STRIP2: variants seen among roughly 807,000 people sequenced by gnomAD.
The protein encoded by STRIP2 is striatin-interacting protein 2.
Under a neutral mutation model 107.1 loss-of-function variants are expected in STRIP2, and 84 were observed. The ratio of observed to expected loss-of-function variants is 0.78; its 90% CI spans 0.66 to 0.94. The LOEUF (loss-of-function observed/expected upper bound fraction) is 0.94. Among genes scored for constraint, STRIP2 ranks in the 40% least tolerant of loss-of-function variants. The pLI is 0.00. For synonymous variants in STRIP2, 394 were observed against 400.4 expected (o/e 0.98, Z 0.19); for missense variants, 888 against 1,034.2 (o/e 0.86, Z 1.94).
At chr7:129,443,937 C>T in intron 2 of STRIP2, 87 bp from the exon 3 acceptor site, 1 of 968,112 alleles carries the variant, frequency 1.0e-6, no homozygotes, top group Non-Finnish European at 1.7e-6. Flanking sequence ...GTGTTGGAAG[C>T]TTCAGCTCTT....
At chr7:129,464,170 G>A (rs1306626966) in intron 15 of STRIP2, 29 bp downstream of exon 15, 1 of 1,516,784 alleles carries the variant, frequency 6.6e-7, no homozygotes, top group African/African-American at 1.4e-5. Flanking sequence ...GCAGCTGCTG[G>A]ATACTAGCTG....
At chr7:129,474,133 G>C (rs1798859155) in intron 18 of STRIP2, among the ~76,000 whole-genome samples, 1 of 151,938 alleles carries the variant, frequency 6.6e-6, no homozygotes, top group Non-Finnish European at 1.5e-5. Context: ...AAACATCCTT[G>C]CATGCAAATC....
intron 1 of STRIP2, among the ~76,000 whole-genome samples, chr7:129,438,115 G>A (rs897920750): frequency 6.6e-6 from 1 of 152,090 alleles, no homozygotes; most frequent in African/African-American, 2.4e-5. Context: ...AATTTGCTTT[G>A]TTGACAGTAT....
intron 18 of STRIP2, among the ~76,000 whole-genome samples, chr7:129,473,798 A>C (rs1443936650): frequency 6.6e-6 from 1 of 151,760 alleles, no homozygotes; most frequent in African/African-American, 2.4e-5. Flanking sequence ...GCTCACTGCA[A>C]CCTCTGCCTC....
intron 3 of STRIP2, among the ~76,000 whole-genome samples, chr7:129,450,218 C>G (rs912861937): frequency 2.6e-5 from 4 of 152,166 alleles, no homozygotes; most frequent in Non-Finnish European, 4.4e-5. Context: ...TCTAGAACCA[C>G]TCCTGGTACC....
Position 129,458,679 on chromosome 7 carries a change from T to C in STRIP2, c.1275-33T>C. 1 of 1,613,286 alleles carries C rather than the reference T, an allele frequency of 6.2e-7. No individual in the cohort carries two copies. The highest frequency in any genetic ancestry group is 8.5e-7 in the Non-Finnish European group (1 of 1,179,222). ...CTCTCAAAGTTTGCTTTTCTTCCCT[T>C]CTCTGGGATTGGTCTTTCCACCATC... On this transcript the variant is annotated intron_variant, in intron 10 of 20. Transcript: ENST00000249344. The surrounding 1 kb of genome is among the most constrained non-coding windows in gnomAD (Gnocchi z 4.6).
intron 13 of STRIP2, 102 bp downstream of exon 13, chr7:129,460,474 TA>T: frequency 1.0e-6 from 1 of 962,682 alleles, no homozygotes; most frequent in Non-Finnish European, 1.6e-6. Context: ...TATTAGGCTG[TA>T]ACTGTGTTCC....
At chr7:129,480,963 G>A (rs972356541) in intron 19 of STRIP2, 74 bp downstream of exon 19, 2 of 1,155,704 alleles carry the variant, frequency 1.7e-6, no homozygotes, top group African/African-American at 1.5e-5. Flanking sequence ...AAATATTTGT[G>A]TGCTACCTGG....
chr7:129,442,269 A>G (rs1411927729), intron 2 of STRIP2, among the ~76,000 whole-genome samples: 1 of 152,198 alleles, frequency 6.6e-6, no homozygotes, highest in Non-Finnish European at 1.5e-5. Flanking sequence ...AATTGGGACA[A>G]AGGATCAGTA....
intron 18 of STRIP2, among the ~76,000 whole-genome samples, chr7:129,476,401 G>A (rs1798946839): frequency 7.1e-6 from 1 of 141,408 alleles, no homozygotes; most frequent in Non-Finnish European, 1.6e-5. Flanking sequence ...CCGGGCGGAG[G>A]GGCTCCTCAC....
intron 8 of STRIP2, 132 bp downstream of exon 8, chr7:129,455,503 G>A: frequency 9.0e-7 from 1 of 1,108,106 alleles, no homozygotes. Flanking sequence ...TGCTAATATG[G>A]AGGGGCAACA....
In STRIP2 at chr7:129,483,438, G is replaced by A; in HGVS notation, c.2254+392G>A. ...ACTATATTATATTTATGCCATATTTGTACTATGCAGAAATTGCCACCATTA... is the reference window on the plus strand; with the variant it reads ...ACTATATTATATTTATGCCATATTTATACTATGCAGAAATTGCCACCATTA... On this transcript the variant is annotated intron_variant, in intron 20 of 20. Coordinates refer to ENST00000249344, the MANE Select transcript of STRIP2 (RefSeq NM_020704.3). This position sits in a 1 kb window ranked among gnomAD's most constrained non-coding sequence, Gnocchi z 5.1. The A allele has an allele frequency of 1.6e-6, 1 of 632,296 alleles. No homozygotes were observed. Among genetic ancestry groups the A allele is most frequent in the Non-Finnish European group, 2.0e-6 (1 of 500,470 alleles). 39.2% of individuals were successfully genotyped at this position (632,296 alleles called of 1,614,324 possible).
At chr7:129,456,697 T>C (rs1312075232) in intron 9 of STRIP2, 55 bp downstream of exon 9, 1 of 1,501,796 alleles carries the variant, frequency 6.7e-7, no homozygotes, top group Non-Finnish European at 9.1e-7. Flanking sequence ...AAAATCAAGA[T>C]TCTAAGTTAC....
intron 2 of STRIP2, among the ~76,000 whole-genome samples, 176 bp from the exon 3 acceptor site, chr7:129,443,848 T>C (rs1797965351): frequency 6.6e-6 from 1 of 152,202 alleles, no homozygotes; most frequent in Non-Finnish European, 1.5e-5. Context: ...TGGTTTAATC[T>C]CCCAGGGACA....
chr7:129,477,213 G>GGAGGGAGAGGGAGAGGGA (rs776416559), intron 18 of STRIP2, among the ~76,000 whole-genome samples: 10 of 29,120 alleles, frequency 3.4e-4, no homozygotes, highest in African/African-American at 5.0e-4. Context: ...AGGGGGAGGG[G>GGAGGGAGAGGGAGAGGGA]GAGGGAGACT....
At chr7:129,471,383 A>G (rs538203915) in intron 18 of STRIP2, among the ~76,000 whole-genome samples, 1 of 152,164 alleles carries the variant, frequency 6.6e-6, no homozygotes, top group Admixed American at 6.5e-5. Flanking sequence ...CATTGTAATT[A>G]TGCATTTGTG....
At chr7:129,459,182 C>T (rs1215466703) in intron 11 of STRIP2, among the ~76,000 whole-genome samples, 4 of 152,158 alleles carry the variant, frequency 2.6e-5, no homozygotes, top group Admixed American at 2.0e-4. Context: ...TCCCACTGGC[C>T]TCTTGAAAAT....
At chr7:129,441,935 A>G (rs1236498136) in intron 2 of STRIP2, among the ~76,000 whole-genome samples, 2 of 152,230 alleles carry the variant, frequency 1.3e-5, no homozygotes, top group Admixed American at 6.5e-5. Context: ...TTCAGTATCA[A>G]TAAATGCTTG....
rs544536095 is a variant in STRIP2 at position 129,486,996 on chromosome 7, C to CTTTTTTTT, written c.*1194_*1201dup. The CTTTTTTTT allele has an allele frequency of 3.4e-4, 18 of 53,206 alleles. 2 individuals are homozygous for CTTTTTTTT. The highest frequency in any genetic ancestry group is 4.4e-4 in the Non-Finnish European group (14 of 31,796). 3.3% of individuals were successfully genotyped at this position (53,206 alleles called of 1,614,324 possible). ...TTTCTGATTTAGTTAGGATCATATG[C>CTTTTTTTT]TTTTTTTTTTTTTTTTTTTTTTTTT... On this transcript the variant is annotated 3_prime_UTR_variant, in exon 21 of 21. Transcript: ENST00000249344.
Sources: gnomAD v4.1 joint callset for allele counts (sites outside exome capture counted in the v4.1 genomes callset) on GRCh38, gnomAD v4.1.1 for gene constraint, Gnocchi (gnomAD v3.1) non-coding constraint, MANE v1.5 for transcripts, NCBI Gene and HGNC (gene_info 2026-07-23, HGNC 2026-07-21) for gene names.